Variants in EHBP1 observed in about 807,000 individuals in gnomAD.
The protein encoded by EHBP1 is EH domain binding protein 1.
In EHBP1, 55 loss-of-function variants were observed where a neutral mutation model predicts 144.0. The ratio of observed to expected loss-of-function variants is 0.38; its 90% CI spans 0.31 to 0.48. EHBP1 has a LOEUF of 0.48. Ranked by LOEUF, EHBP1 falls within the 20% of genes least tolerant of loss-of-function variation. The pLI, the probability that EHBP1 is intolerant of heterozygous loss-of-function variation, is 0.98. For missense variants in EHBP1, 1,200 were observed against 1,364.2 expected (o/e 0.88, Z 1.90); for synonymous variants, 469 against 472.7 (o/e 0.99, Z 0.10).
intron 13 of EHBP1, among the ~76,000 whole-genome samples, chr2:62,951,350 C>G (rs2057371441): frequency 6.6e-6 from 1 of 151,892 alleles, no homozygotes; most frequent in Admixed American, 6.6e-5. Flanking sequence ...AAAGCAAGCC[C>G]CTGTTCTCCT....
intron 5 of EHBP1, among the ~76,000 whole-genome samples, chr2:62,820,679 G>C (rs1023319497): frequency 7.0e-6 from 1 of 143,056 alleles, no homozygotes; most frequent in Non-Finnish European, 1.5e-5. Context: ...ACGTCAAAAT[G>C]TCCTTTTTAA....
At chr2:62,987,286 A>G (rs918914652) in intron 15 of EHBP1, among the ~76,000 whole-genome samples, 1 of 152,126 alleles carries the variant, frequency 6.6e-6, no homozygotes, top group Non-Finnish European at 1.5e-5. Context: ...ATTATGTAAG[A>G]CTTTCTCATT....
At position 62,755,856 on chromosome 2, in the gene EHBP1, AC is replaced by A. The variant is rs1424587067; in HGVS notation, c.162+8405del. ...AAATGTTTTTAGTTATCAACAAAAA[AC>A]AATTTATCTCTTTTAATAATTAGCT... On this transcript the variant is annotated intron_variant, in intron 3 of 22. Transcript: ENST00000431489. Among the ~76,000 whole-genome samples the A allele has an allele frequency of 2.6e-5, 4 of 152,316 alleles. No individual in the cohort carries two copies. In the East Asian group the frequency reaches 7.7e-4, roughly 29 times the overall value.
chr2:62,854,527 C>A (rs2048895722), intron 7 of EHBP1, among the ~76,000 whole-genome samples: 1 of 152,038 alleles, frequency 6.6e-6, no homozygotes, highest in African/African-American at 2.4e-5. Context: ...GTTTAACTGG[C>A]CTAGTTTCAA....
At chr2:62,962,428 G>A (rs921424998) in intron 14 of EHBP1, among the ~76,000 whole-genome samples, 1 of 152,108 alleles carries the variant, frequency 6.6e-6, no homozygotes. Flanking sequence ...CATTTAATAA[G>A]CCCACCATTA....
intron 10 of EHBP1, among the ~76,000 whole-genome samples, chr2:62,917,569 C>T (rs1381712472): frequency 2.0e-5 from 3 of 152,044 alleles, no homozygotes; most frequent in Non-Finnish European, 4.4e-5. Flanking sequence ...GTTCTTAATC[C>T]CAATGCTGAG....
At chr2:62,777,356 C>T (rs1308411429) in intron 5 of EHBP1, among the ~76,000 whole-genome samples, 1 of 152,178 alleles carries the variant, frequency 6.6e-6, no homozygotes, top group Non-Finnish European at 1.5e-5. Context: ...TGATGAAAGG[C>T]ACCAATCAGA....
intron 5 of EHBP1, among the ~76,000 whole-genome samples, chr2:62,801,638 T>A (rs1329630086): frequency 6.6e-6 from 1 of 152,212 alleles, no homozygotes; most frequent in Non-Finnish European, 1.5e-5. Flanking sequence ...CTTAGTAAAT[T>A]TATTACAAAT....
intron 5 of EHBP1, among the ~76,000 whole-genome samples, chr2:62,790,298 T>C (rs2043088569): frequency 6.6e-6 from 1 of 152,180 alleles, no homozygotes; most frequent in South Asian, 2.1e-4. Context: ...TTTTTGTTGT[T>C]TGTTTTGTTT....
At chr2:62,936,608 C>A (rs2056402231) in intron 10 of EHBP1, among the ~76,000 whole-genome samples, 1 of 152,008 alleles carries the variant, frequency 6.6e-6, no homozygotes, top group Non-Finnish European at 1.5e-5. Flanking sequence ...CAGAGAGTTT[C>A]ACTTACTCTC....
chr2:63,029,862 G>T (rs530738449), intron 19 of EHBP1, among the ~76,000 whole-genome samples: 34 of 152,258 alleles, frequency 2.2e-4, no homozygotes, highest in Non-Finnish European at 1.5e-4. Flanking sequence ...CCGAGTAGCT[G>T]GGATTACAGG....
chr2:63,046,486 A>G lies in EHBP1; in HGVS notation c.*986A>G. 6.6e-6 allele frequency: 1 copy of G among 152,616 alleles called. No homozygotes were observed. The highest frequency in any genetic ancestry group is 1.9e-4 in the East Asian group (1 of 5,196). The allele number at this position is 152,616 out of a possible 1,614,324, so 9.5% of individuals were successfully genotyped here. On this transcript the variant is annotated 3_prime_UTR_variant, in exon 23 of 23. Coordinates refer to ENST00000431489, the MANE Select transcript of EHBP1 (RefSeq NM_001142616.3). Reference sequence around the variant, plus strand: ...TAAAAGCAGAAACTTTCTTACCTTAAACACGGCTGCTACTTTCTTGCAATG... The same window carrying G: ...TAAAAGCAGAAACTTTCTTACCTTAGACACGGCTGCTACTTTCTTGCAATG...
intron 21 of EHBP1, among the ~76,000 whole-genome samples, chr2:63,041,409 T>C (rs939919002): frequency 1.3e-5 from 2 of 152,062 alleles, no homozygotes; most frequent in Non-Finnish European, 2.9e-5. Flanking sequence ...TTTTAGAAAG[T>C]GGTATGTTCA....
intron 10 of EHBP1, among the ~76,000 whole-genome samples, chr2:62,929,842 T>G (rs1284811249): frequency 6.7e-6 from 1 of 150,146 alleles, no homozygotes; most frequent in Non-Finnish European, 1.5e-5. Context: ...AAAAAAAAAC[T>G]GTTGTAACTA....
chr2:62,692,197 G>A lies in EHBP1; in HGVS notation c.-295-14700G>A, dbSNP rs553374298. ...TTTCAAGGTTCATCCATGTTATAGC[G>A]TGAATCAATGCTTCATTCATTTTTA... On this transcript the variant is annotated intron_variant, in intron 1 of 22. Transcript: ENST00000405015. Among the ~76,000 whole-genome samples, 18 of 152,232 alleles carry A rather than the reference G, an allele frequency of 1.2e-4. No individual in the cohort carries two copies. In the South Asian group the frequency reaches 2.3e-3, roughly 19 times the overall value.
intron 3 of EHBP1, 72 bp from the exon 4 acceptor site, chr2:62,764,194 T>C (rs1361840320): frequency 2.4e-5 from 27 of 1,119,390 alleles, no homozygotes; most frequent in Non-Finnish European, 3.3e-5. Flanking sequence ...GAAGGTATCA[T>C]TTTATTCTGG....
intron 21 of EHBP1, among the ~76,000 whole-genome samples, chr2:63,040,964 C>T (rs1397972350): frequency 6.6e-6 from 1 of 152,184 alleles, no homozygotes; most frequent in Non-Finnish European, 1.5e-5. Flanking sequence ...TTTTGTTTTG[C>T]TTTCTTTTAT....
intron 10 of EHBP1, among the ~76,000 whole-genome samples, chr2:62,915,177 T>C (rs960103685): frequency 3.3e-5 from 5 of 152,096 alleles, no homozygotes; most frequent in Non-Finnish European, 7.4e-5. Flanking sequence ...AGAATTTCTT[T>C]GTAAAGATTC....
In EHBP1 at chr2:62,942,767, A is replaced by G; in HGVS notation, c.1235A>G (p.Gln412Arg). 2 of 1,612,546 alleles carry G rather than the reference A, an allele frequency of 1.2e-6. No individual in the cohort carries two copies. The highest frequency in any genetic ancestry group is 1.7e-6 in the Non-Finnish European group (2 of 1,179,014). The stretch of plus-strand genomic sequence containing the variant: ...TTGGGGCGAAAGCCAAATGCTAGTC[A>G]GTCTTTGCTTGTATGGTGTAAAGAA... The part of the protein sequence containing the change: ...PVLGRKPNAS[Q>R]SLLVWCKEVT... The change falls in exon 11 of 23, where the codon CAG becomes CGG. Residue 412 changes from glutamine to arginine, a missense_variant. Transcript: ENST00000431489.
Sources: allele counts gnomAD v4.1 joint callset (sites outside exome capture counted in the v4.1 genomes callset), GRCh38; gene constraint gnomAD v4.1.1; transcripts MANE v1.5; gene names NCBI Gene and HGNC (gene_info 2026-07-23, HGNC 2026-07-21).